TANC1: variants seen among roughly 807,000 people sequenced by gnomAD.
TANC1 encodes protein TANC1.
TANC1 carries 77 observed loss-of-function variants against 149.7 expected under a neutral mutation model. The ratio of observed to expected loss-of-function variants is 0.51; its 90% confidence interval spans 0.43 to 0.62. The LOEUF is 0.62. Ranked by LOEUF, TANC1 falls within the 20% of genes least tolerant of loss-of-function variation. TANC1 has a pLI of 0.00. For synonymous variants in TANC1, 854 were observed against 925.0 expected (o/e 0.92, Z 1.39); for missense variants, 1,985 against 2,321.8 (o/e 0.85, Z 2.98).
At chr2:159,124,717 C>G (rs2049213011) in intron 4 of TANC1, among the ~76,000 whole-genome samples, 2 of 151,968 alleles carry the variant, frequency 1.3e-5, no homozygotes, top group Non-Finnish European at 2.9e-5. Context: ...TTAACCATTC[C>G]TACAAAGCTA....
intron 2 of TANC1, among the ~76,000 whole-genome samples, chr2:159,043,135 G>A (rs1458849058): frequency 6.6e-6 from 1 of 152,150 alleles, no homozygotes; most frequent in Non-Finnish European, 1.5e-5. Context: ...TGCTTTTACT[G>A]GGCTTGACAG....
chr2:159,071,875 T>C (rs1239505806), intron 3 of TANC1, among the ~76,000 whole-genome samples: 1 of 152,212 alleles, frequency 6.6e-6, no homozygotes, highest in African/African-American at 2.4e-5. Context: ...GCAGAAATAA[T>C]TCAGTATAAA....
At position 159,020,116 on chromosome 2, in the gene TANC1, T is replaced by C. The variant is rs1024004643; in HGVS notation, c.-16+18927T>C. 4.9e-4 allele frequency among the ~76,000 whole-genome samples: 75 copies of C among 152,310 alleles called. 1 individual carries two copies. Among genetic ancestry groups the C allele is most frequent in the Non-Finnish European group, 2.1e-4 (14 of 68,020 alleles). ...AACAATTCTGACTAGAATAGGACTT[T>C]ATTTTTTATTTTTATTTTTGAGATG... On this transcript the variant is annotated intron_variant, in intron 2 of 26. Coordinates refer to ENST00000263635, the MANE Select transcript of TANC1 (RefSeq NM_033394.3).
intron 4 of TANC1, among the ~76,000 whole-genome samples, chr2:159,107,066 C>A (rs558239122): frequency 6.6e-6 from 1 of 152,178 alleles, no homozygotes; most frequent in Non-Finnish European, 1.5e-5. Context: ...CGCTCTGTCT[C>A]GCCCAGGCTG....
chr2:159,223,372 T>G (rs918148376), intron 22 of TANC1, among the ~76,000 whole-genome samples: 5 of 152,182 alleles, frequency 3.3e-5, no homozygotes, highest in Non-Finnish European at 7.3e-5. Flanking sequence ...TGTTGAGCAC[T>G]TGTTGATCAT....
At chr2:159,191,808 C>T (rs1158381352) in intron 16 of TANC1, among the ~76,000 whole-genome samples, 1 of 152,162 alleles carries the variant, frequency 6.6e-6, no homozygotes, top group African/African-American at 2.4e-5. Context: ...TGTCATCTCT[C>T]TGTATCTTTT....
At chr2:159,066,506 C>T (rs551504994) in intron 3 of TANC1, among the ~76,000 whole-genome samples, 3 of 152,252 alleles carry the variant, frequency 2.0e-5, no homozygotes, top group Admixed American at 1.3e-4. Flanking sequence ...AAATCCTTTC[C>T]CAGAAACTTT....
Position 159,227,804 on chromosome 2 carries a change from A to C in TANC1, c.3904-15A>C. ...CTCTGAAAAAGGACAAATGTTTGTG[A>C]TTTTTGAATCCTAGAAAGGGAAAAT... is the stretch of plus-strand genomic sequence containing the variant. On this transcript the variant is annotated splice_polypyrimidine_tract_variant and intron_variant, in intron 24 of 26. Coordinates refer to ENST00000263635, the MANE Select transcript of TANC1 (RefSeq NM_033394.3). The C allele has an allele frequency of 6.2e-7, 1 of 1,612,670 alleles. No individual in the cohort carries two copies. Among genetic ancestry groups the C allele is most frequent in the Non-Finnish European group, 8.5e-7 (1 of 1,179,626 alleles).
At chr2:159,083,812 A>T (rs1053859612) in intron 3 of TANC1, among the ~76,000 whole-genome samples, 2 of 152,126 alleles carry the variant, frequency 1.3e-5, no homozygotes, top group African/African-American at 2.4e-5. Context: ...CAATATTGAC[A>T]TTGTTGCTAA....
intron 7 of TANC1, among the ~76,000 whole-genome samples, chr2:159,154,935 C>G (rs967410757): frequency 2.6e-5 from 4 of 152,136 alleles, no homozygotes; most frequent in African/African-American, 9.7e-5. Flanking sequence ...GTGTTTCCTC[C>G]TTGTCTGAGA....
In TANC1 at chr2:159,107,463, C is replaced by T. The variant is rs140179126; in HGVS notation, c.259+9629C>T. On this transcript the variant is annotated intron_variant, in intron 4 of 26. Coordinates refer to ENST00000263635, the MANE Select transcript of TANC1 (RefSeq NM_033394.3). The stretch of plus-strand genomic sequence containing the variant: ...TAAAGATACATATCCCTGTTTTCCC[C>T]TAACAGTTTTGACTCTTACATTTAG... Among the ~76,000 whole-genome samples the T allele has an allele frequency of 2.4e-3, 361 of 152,354 alleles. 1 individual carries two copies. Among genetic ancestry groups the T allele is most frequent in the African/African-American group, 8.1e-3 (338 of 41,584 alleles).
chr2:159,004,141 C>T (rs2036905153), intron 2 of TANC1: 1 of 1,612,152 alleles, frequency 6.2e-7, no homozygotes, highest in South Asian at 1.1e-5. Flanking sequence ...GAAATGCTTC[C>T]TGGAATATTA....
chr2:159,131,126 G>A (rs559315563), intron 4 of TANC1, among the ~76,000 whole-genome samples: 3 of 152,068 alleles, frequency 2.0e-5, no homozygotes, highest in African/African-American at 7.2e-5. Flanking sequence ...AAGCTTGGCT[G>A]TCAGATCTCA....
chr2:159,123,466 C>T (rs1045079239), intron 4 of TANC1, among the ~76,000 whole-genome samples: 4 of 152,148 alleles, frequency 2.6e-5, no homozygotes, highest in East Asian at 3.9e-4. Context: ...AGGGACTGGG[C>T]TGGGACCCAC....
Position 159,186,927 on chromosome 2 carries a change from C to T in TANC1, c.2645C>T (p.Ser882Phe), listed in dbSNP as rs746128329. ...FKGLSKKTGI[S>F]SSHLQALWIG... ...GGCCTCAGTAAGAAGACGGGAATTT[C>T]TTCAAGCCATCTCCAAGCCCTGTGG... The change falls in exon 16 of 27, where the codon TCT (serine) becomes TTT (phenylalanine). Residue 882 changes from serine (S) to phenylalanine (F), a missense_variant. Ser to Phe is a radical substitution (Grantham distance 155). Coordinates refer to ENST00000263635, the MANE Select transcript of TANC1 (RefSeq NM_033394.3). 3 of 1,614,068 alleles carry T rather than the reference C, an allele frequency of 1.9e-6. No homozygotes were observed. Among genetic ancestry groups the T allele is most frequent in the Admixed American group, 3.3e-5 (2 of 59,996 alleles).
chr2:159,059,836 G>C (rs897489215), intron 2 of TANC1, among the ~76,000 whole-genome samples: 7 of 149,480 alleles, frequency 4.7e-5, no homozygotes, highest in African/African-American at 1.7e-4. Flanking sequence ...CTGTGTACAG[G>C]GTTTTCCATG....
intron 1 of TANC1, among the ~76,000 whole-genome samples, chr2:158,985,675 G>T (rs550319264): frequency 6.6e-6 from 1 of 151,786 alleles, no homozygotes; most frequent in African/African-American, 2.4e-5. Context: ...ACAGAGTCTC[G>T]CTTTGTTGCC....
chr2:159,110,810 T>G (rs1183506495), intron 4 of TANC1, among the ~76,000 whole-genome samples: 1 of 152,214 alleles, frequency 6.6e-6, no homozygotes, highest in African/African-American at 2.4e-5. Flanking sequence ...TCCCCTTGAT[T>G]GTTTATCCTC....
chr2:159,130,700 C>T (rs907548950), intron 4 of TANC1, among the ~76,000 whole-genome samples: 2 of 152,040 alleles, frequency 1.3e-5, no homozygotes, highest in Non-Finnish European at 1.5e-5. Flanking sequence ...TTCTATAGGG[C>T]GTTTCTTCTT....
Sources: allele counts gnomAD v4.1 joint callset (sites outside exome capture counted in the v4.1 genomes callset), GRCh38; gene constraint gnomAD v4.1.1; transcripts MANE v1.5; gene names NCBI Gene and HGNC (gene_info 2026-07-23, HGNC 2026-07-21).